ZNF385D: variants seen among roughly 807,000 people sequenced by gnomAD.
ZNF385D encodes the protein zinc finger protein 385D, also known as zinc finger protein 659.
In ZNF385D, 15 loss-of-function variants were observed where a neutral mutation model predicts 35.8. The observed-to-expected ratio is 0.42, with a 90% CI of 0.28 to 0.64. ZNF385D has a LOEUF of 0.64. ZNF385D is among the 30% of genes least tolerant of loss of function. ZNF385D has a pLI of 0.23. For synonymous variants in ZNF385D, 212 were observed against 186.8 expected (o/e 1.13, Z -1.10); for missense variants, 474 against 494.6 (o/e 0.96, Z 0.39).
At position 21,731,489 on chromosome 3, in the gene ZNF385D, C is replaced by G. The variant is rs2068992414; in HGVS notation, c.22+19406G>C. Among the ~76,000 whole-genome samples, 3 of 152,140 alleles carry G rather than the reference C, an allele frequency of 2.0e-5. No individual in the cohort carries two copies. The South Asian group carries it at 6.2e-4, about 32-fold the overall frequency. On this transcript the variant is annotated intron_variant, in intron 1 of 7. Transcript: ENST00000281523. ...GGTACATTTGTTTCAATTGATGAACCTACATTAACATGTCATAACTACCCA... is the reference window on the plus strand; with the variant it reads ...GGTACATTTGTTTCAATTGATGAACGTACATTAACATGTCATAACTACCCA...
intron 3 of ZNF385D, among the ~76,000 whole-genome samples, chr3:21,934,281 A>C (rs1484331724): frequency 6.6e-6 from 1 of 152,170 alleles, no homozygotes; most frequent in Non-Finnish European, 1.5e-5. Flanking sequence ...AGAGTGAAGA[A>C]GAGCCTACAA....
chr3:21,648,901 T>C (rs1473177030), intron 2 of ZNF385D, among the ~76,000 whole-genome samples: 1 of 152,178 alleles, frequency 6.6e-6, no homozygotes, highest in East Asian at 1.9e-4. Context: ...TTTGAAATCT[T>C]TCTAGCCATA....
intron 4 of ZNF385D, among the ~76,000 whole-genome samples, chr3:21,460,111 T>C (rs1703071458): frequency 6.6e-6 from 1 of 152,210 alleles, no homozygotes; most frequent in African/African-American, 2.4e-5. Flanking sequence ...TCTGTTTACA[T>C]AAGAATTCTC....
intron 2 of ZNF385D, among the ~76,000 whole-genome samples, chr3:22,234,750 C>T (rs1267395038): frequency 6.6e-6 from 1 of 151,798 alleles, no homozygotes; most frequent in South Asian, 2.1e-4. Flanking sequence ...TTTTTTCAGA[C>T]TTTATTCTCT....
chr3:21,819,505 AT>A (rs904068078), intron 3 of ZNF385D, among the ~76,000 whole-genome samples: 6 of 151,110 alleles, frequency 4.0e-5, no homozygotes, highest in African/African-American at 1.5e-4. Flanking sequence ...TTAAGAAAAA[AT>A]TTAGTATGGC....
chr3:21,981,244 T>C (rs188433301), intron 3 of ZNF385D, among the ~76,000 whole-genome samples: 1 of 152,290 alleles, frequency 6.6e-6, no homozygotes, highest in East Asian at 1.9e-4. Context: ...TTTTTCACTT[T>C]TTAATAAAAG....
chr3:22,050,221 C>T (rs558522886), intron 3 of ZNF385D, among the ~76,000 whole-genome samples: 2 of 151,652 alleles, frequency 1.3e-5, no homozygotes, highest in Non-Finnish European at 2.9e-5. Context: ...AAGCAGCTCT[C>T]TGTGGTGGTA....
At chr3:21,989,401 T>A (rs1053445796) in intron 3 of ZNF385D, among the ~76,000 whole-genome samples, 8 of 152,212 alleles carry the variant, frequency 5.3e-5, no homozygotes, top group East Asian at 1.9e-4. Flanking sequence ...GGAATACAGT[T>A]ATGATTTTCT....
chr3:22,011,666 T>C (rs1040597110), intron 3 of ZNF385D, among the ~76,000 whole-genome samples: 14 of 152,132 alleles, frequency 9.2e-5, no homozygotes, highest in Non-Finnish European at 1.3e-4. Flanking sequence ...AAATATCTAA[T>C]GATATAATAA....
intron 2 of ZNF385D, among the ~76,000 whole-genome samples, chr3:22,318,287 A>G (rs1704011336): frequency 6.6e-6 from 1 of 152,186 alleles, no homozygotes; most frequent in Non-Finnish European, 1.5e-5. Context: ...AAATAAAATT[A>G]TTTATCAATA....
chr3:22,299,088 G>A (rs905259191), intron 2 of ZNF385D, among the ~76,000 whole-genome samples: 2 of 151,846 alleles, frequency 1.3e-5, no homozygotes, highest in Non-Finnish European at 1.5e-5. Context: ...ATAATAAACT[G>A]CCATTTCTTC....
rs560678319 is a variant in ZNF385D, at chr3:22,087,365, A to G, written c.325+81452T>C. ...GAACACTCAGAGAAATAAAAAGATG[A>G]TATTACTCAGTCTCCCTTAAAAACA... On this transcript the variant is annotated intron_variant, in intron 3 of 5. Transcript: ENST00000494108. 1.3e-3 allele frequency among the ~76,000 whole-genome samples: 194 copies of G among 152,360 alleles called. 1 individual carries two copies. Among genetic ancestry groups the G allele is most frequent in the African/African-American group, 4.4e-3 (183 of 41,590 alleles).
chr3:21,523,057 G>A (rs1277781189), intron 3 of ZNF385D, among the ~76,000 whole-genome samples: 1 of 150,998 alleles, frequency 6.6e-6, no homozygotes, highest in Non-Finnish European at 1.5e-5. Context: ...GTCACACAGT[G>A]GTTGTTTGTG....
intron 2 of ZNF385D, among the ~76,000 whole-genome samples, chr3:22,224,952 A>G (rs2125286624): frequency 6.6e-6 from 1 of 152,302 alleles, no homozygotes. Flanking sequence ...TGAATAAAAC[A>G]TATAATCAGA....
At chr3:21,548,497 T>C (rs531453471) in intron 3 of ZNF385D, among the ~76,000 whole-genome samples, 1 of 152,338 alleles carries the variant, frequency 6.6e-6, no homozygotes, top group Admixed American at 6.5e-5. Context: ...TATTCTGTGC[T>C]TCCAGTTTTA....
chr3:21,539,262 T>C lies in ZNF385D; in HGVS notation c.276+25312A>G, dbSNP rs564579153. Among the ~76,000 whole-genome samples the C allele has an allele frequency of 2.0e-5, 3 of 152,282 alleles. No homozygotes were observed. In the South Asian group the frequency reaches 6.2e-4, roughly 32 times the overall value. ...CACTGAATGCCTATTCAGTGCTGTG[T>C]GGCTTCTACATTTCTACATAGATCA... On this transcript the variant is annotated intron_variant, in intron 3 of 7. Coordinates refer to ENST00000281523, the MANE Select transcript of ZNF385D (RefSeq NM_024697.3). The surrounding 1 kb of genome is among the most constrained non-coding windows in gnomAD (Gnocchi z 4.0).
At chr3:21,863,262 C>T (rs1207688000) in intron 3 of ZNF385D, among the ~76,000 whole-genome samples, 1 of 152,060 alleles carries the variant, frequency 6.6e-6, no homozygotes. Context: ...CATCATTTGT[C>T]TCATTCGTTT....
At chr3:22,019,569 A>C (rs1697103172) in intron 3 of ZNF385D, among the ~76,000 whole-genome samples, 1 of 151,948 alleles carries the variant, frequency 6.6e-6, no homozygotes, top group African/African-American at 2.4e-5. Flanking sequence ...GATCAGACTA[A>C]TTTAAAAAAT....
intron 2 of ZNF385D, among the ~76,000 whole-genome samples, chr3:21,642,716 C>T (rs1421678677): frequency 2.0e-5 from 3 of 151,974 alleles, no homozygotes; most frequent in South Asian, 2.1e-4. Flanking sequence ...GATGAATGGA[C>T]GAACAAAATG....
Sources: allele counts gnomAD v4.1 joint callset (sites outside exome capture counted in the v4.1 genomes callset), GRCh38; gene constraint gnomAD v4.1.1; non-coding constraint Gnocchi (gnomAD v3.1); transcripts MANE v1.5; gene names NCBI Gene and HGNC (gene_info 2026-07-23, HGNC 2026-07-21).